Variants in NRG1 observed in about 807,000 individuals in gnomAD.
NRG1 encodes the protein neuregulin 1.
Under a neutral mutation model 63.8 loss-of-function variants are expected in NRG1, and 18 were observed. The ratio of observed to expected loss-of-function variants is 0.28; its 90% CI spans 0.19 to 0.42. The LOEUF is 0.42. Among genes scored for constraint, NRG1 ranks in the 10% least tolerant of loss-of-function variants. NRG1 has a pLI of 1.00. For missense variants in NRG1, 762 were observed against 814.7 expected, an observed-to-expected ratio of 0.94 and a Z score of 0.79; for synonymous variants, 302 against 301.3, an observed-to-expected ratio of 1.00 and a Z score of -0.02.
At chr8:32,091,141 A>G (rs1052708175) in intron 1 of NRG1, among the ~76,000 whole-genome samples, 1 of 151,874 alleles carries the variant, frequency 6.6e-6, no homozygotes, top group African/African-American at 2.4e-5. Flanking sequence ...AGCCAGGCAT[A>G]GTGGCGGGTG....
At chr8:31,895,794 T>A (rs1831532787) in intron 1 of NRG1, among the ~76,000 whole-genome samples, 1 of 152,184 alleles carries the variant, frequency 6.6e-6, no homozygotes, top group South Asian at 2.1e-4. Context: ...TTTAGATTTG[T>A]AGCCTAACCT....
At chr8:31,908,584 C>G (rs1832706639) in intron 1 of NRG1, among the ~76,000 whole-genome samples, 1 of 152,170 alleles carries the variant, frequency 6.6e-6, no homozygotes, top group Admixed American at 6.6e-5. Context: ...AAGGTTTTGG[C>G]AAATCCTTGC....
rs1201535090 is a variant in NRG1, at chr8:32,614,503, T to G, written c.401-11T>G. 1 of 1,611,908 alleles carries G rather than the reference T, an allele frequency of 6.2e-7. No individual in the cohort carries two copies. The highest frequency in any genetic ancestry group is 8.5e-7 in the Non-Finnish European group (1 of 1,178,620). On this transcript the variant is annotated splice_polypyrimidine_tract_variant and intron_variant, in intron 3 of 11. Transcript: ENST00000356819. ...TATATATCATAATGTCCTATCACCTTTTTTTTTCAGAGATCATCACTGGTA... is the reference window on the plus strand; with the variant it reads ...TATATATCATAATGTCCTATCACCTGTTTTTTTCAGAGATCATCACTGGTA...
At chr8:32,107,216 A>C (rs1051819749) in intron 1 of NRG1, among the ~76,000 whole-genome samples, 1 of 790 alleles carries the variant, frequency 1.3e-3, no homozygotes, top group Non-Finnish European at 0.014. Flanking sequence ...ACTCAGTCTT[A>C]AAAGAAAAAA....
intron 1 of NRG1, among the ~76,000 whole-genome samples, chr8:32,354,249 A>T (rs1356815695): frequency 1.3e-5 from 2 of 152,058 alleles, no homozygotes; most frequent in African/African-American, 4.8e-5. Context: ...AGTGCCTGTA[A>T]TCCCAGCTAC....
intron 1 of NRG1, among the ~76,000 whole-genome samples, chr8:31,864,953 G>T (rs1828817240): frequency 6.6e-6 from 1 of 152,122 alleles, no homozygotes; most frequent in Non-Finnish European, 1.5e-5. Context: ...TCTCAAAAAT[G>T]CTACGTTCAC....
intron 1 of NRG1, among the ~76,000 whole-genome samples, chr8:31,717,632 A>G (rs1812490009): frequency 6.6e-6 from 1 of 152,050 alleles, no homozygotes; most frequent in Non-Finnish European, 1.5e-5. Flanking sequence ...ATCCAATGCT[A>G]TTTGCACAGA....
At chr8:32,427,750 C>A (rs900262569) in intron 1 of NRG1, among the ~76,000 whole-genome samples, 1 of 152,032 alleles carries the variant, frequency 6.6e-6, no homozygotes, top group East Asian at 1.9e-4. Flanking sequence ...CTAACGTGTG[C>A]GACAGGATAA....
chr8:32,063,749 T>C (rs536027190), intron 1 of NRG1, among the ~76,000 whole-genome samples: 3 of 152,056 alleles, frequency 2.0e-5, no homozygotes, highest in South Asian at 4.1e-4. Flanking sequence ...ACATTTTATA[T>C]TGTGTTTAAT....
At chr8:32,399,072 A>T (rs1435014058) in intron 1 of NRG1, among the ~76,000 whole-genome samples, 1 of 152,190 alleles carries the variant, frequency 6.6e-6, no homozygotes, top group Non-Finnish European at 1.5e-5. Context: ...TGAGGTAGAG[A>T]TGTCAAGAAG....
At chr8:32,089,634 C>T (rs1333638370) in intron 1 of NRG1, among the ~76,000 whole-genome samples, 1 of 152,094 alleles carries the variant, frequency 6.6e-6, no homozygotes, top group African/African-American at 2.4e-5. Context: ...CAATATGGCA[C>T]TGTGTGCAAT....
intron 1 of NRG1, among the ~76,000 whole-genome samples, chr8:32,390,040 G>A (rs774812541): frequency 4.6e-5 from 7 of 152,160 alleles, no homozygotes; most frequent in South Asian, 2.1e-4. Context: ...GATTACAGGC[G>A]TGAGCCACTA....
chr8:31,883,468 A>G (rs998458094), intron 1 of NRG1, among the ~76,000 whole-genome samples: 4 of 152,128 alleles, frequency 2.6e-5, no homozygotes, highest in Non-Finnish European at 4.4e-5. Context: ...TGCTTGAAAA[A>G]TGTTATCAGT....
chr8:31,948,536 A>T (rs1282401413), intron 1 of NRG1, among the ~76,000 whole-genome samples: 1 of 152,084 alleles, frequency 6.6e-6, no homozygotes. Flanking sequence ...GCTGGTTTAG[A>T]TGGAGGTTAT....
chr8:31,705,146 C>G (rs1042720872), intron 1 of NRG1, among the ~76,000 whole-genome samples: 1 of 152,028 alleles, frequency 6.6e-6, no homozygotes, highest in Non-Finnish European at 1.5e-5. Context: ...AAGCGATTCT[C>G]CTGCCTCAGC....
intron 1 of NRG1, among the ~76,000 whole-genome samples, chr8:31,730,384 C>T (rs1441281947): frequency 6.6e-6 from 1 of 152,066 alleles, no homozygotes; most frequent in Non-Finnish European, 1.5e-5. Flanking sequence ...CTAATGAGGG[C>T]TACTCACTCT....
At chr8:32,189,713 C>T (rs143506124) in intron 1 of NRG1, among the ~76,000 whole-genome samples, 1 of 152,202 alleles carries the variant, frequency 6.6e-6, no homozygotes, top group East Asian at 1.9e-4. Flanking sequence ...TGAGTGGCCC[C>T]ATATCGTTAA....
At chr8:32,704,206 C>T (rs184353719) in intron 5 of NRG1, among the ~76,000 whole-genome samples, 18 of 152,250 alleles carry the variant, frequency 1.2e-4, no homozygotes, top group Admixed American at 2.6e-4. Context: ...TCTGGGGAGG[C>T]CGTAGAGGTG....
intron 1 of NRG1, among the ~76,000 whole-genome samples, chr8:32,318,172 G>A (rs914689182): frequency 3.3e-5 from 5 of 152,140 alleles, no homozygotes; most frequent in Admixed American, 1.3e-4. Context: ...GGACTTTATC[G>A]TAAGCTTAAG....
Sources: gnomAD v4.1 joint callset for allele counts (sites outside exome capture counted in the v4.1 genomes callset) on GRCh38, gnomAD v4.1.1 for gene constraint, MANE v1.5 for transcripts, NCBI Gene and HGNC (gene_info 2026-07-23, HGNC 2026-07-21) for gene names.